Variants in CNTN3 observed in about 807,000 individuals in gnomAD.
CNTN3 encodes contactin-3.
Under a neutral mutation model 119.1 loss-of-function variants are expected in CNTN3, and 60 were observed. That is an observed-to-expected ratio of 0.50 (90% CI 0.41 to 0.62). The LOEUF is 0.62. Ranked by LOEUF, CNTN3 falls within the 20% of genes least tolerant of loss-of-function variation. The pLI, the probability that CNTN3 is intolerant of heterozygous loss-of-function variation, is 0.00. For synonymous variants in CNTN3, 450 were observed against 438.7 expected (o/e 1.03, Z -0.32); for missense variants, 1,101 against 1,242.4 (o/e 0.89, Z 1.71).
At chr3:74,576,427 C>A (rs1238242791) in intron 1 of CNTN3, among the ~76,000 whole-genome samples, 1 of 151,666 alleles carries the variant, frequency 6.6e-6, no homozygotes, top group Non-Finnish European at 1.5e-5. Flanking sequence ...AATTCATTCC[C>A]AAAACTAGAC....
chr3:74,318,903 G>A (rs1012040850), intron 13 of CNTN3, among the ~76,000 whole-genome samples: 1 of 152,166 alleles, frequency 6.6e-6, no homozygotes, highest in Non-Finnish European at 1.5e-5. Context: ...GGAAATTTAA[G>A]TCTTCAGAGG....
chr3:74,369,563 A>G (rs1472851986), intron 7 of CNTN3, among the ~76,000 whole-genome samples, 190 bp from the exon 8 acceptor site: 1 of 151,964 alleles, frequency 6.6e-6, no homozygotes, highest in Non-Finnish European at 1.5e-5. Flanking sequence ...AATAAAATAA[A>G]CTGCATTTTT....
intron 1 of CNTN3, among the ~76,000 whole-genome samples, chr3:74,603,429 T>C (rs993488885): frequency 2.0e-5 from 3 of 152,240 alleles, no homozygotes; most frequent in Admixed American, 1.3e-4. Flanking sequence ...ATAAGCCACA[T>C]AGAGCAGGCA....
chr3:74,496,440 G>A (rs1471026493), intron 3 of CNTN3, among the ~76,000 whole-genome samples: 1 of 152,042 alleles, frequency 6.6e-6, no homozygotes, highest in Non-Finnish European at 1.5e-5. Context: ...ACAGTTTCCA[G>A]TCATTATTCA....
intron 2 of CNTN3, among the ~76,000 whole-genome samples, chr3:74,506,404 T>C (rs1484386141): frequency 1.3e-5 from 2 of 152,170 alleles, no homozygotes; most frequent in Non-Finnish European, 2.9e-5. Context: ...AAAGGGTTAA[T>C]TTATAGTTAT....
intron 13 of CNTN3, among the ~76,000 whole-genome samples, chr3:74,314,409 C>T (rs1208014748): frequency 6.6e-6 from 1 of 152,048 alleles, no homozygotes; most frequent in Non-Finnish European, 1.5e-5. Flanking sequence ...ATGTTGTCTA[C>T]AAAAACCTAT....
intron 4 of CNTN3, among the ~76,000 whole-genome samples, chr3:74,457,474 A>G (rs1439070216): frequency 1.3e-5 from 2 of 151,984 alleles, no homozygotes; most frequent in Non-Finnish European, 2.9e-5. Context: ...TTATATAATA[A>G]TATCATTGAC....
chr3:74,341,551 C>A (rs1156573231), intron 11 of CNTN3, among the ~76,000 whole-genome samples: 1 of 151,954 alleles, frequency 6.6e-6, no homozygotes, highest in East Asian at 1.9e-4. Flanking sequence ...TTATTTGTAC[C>A]TTTTTATTGG....
intron 18 of CNTN3, among the ~76,000 whole-genome samples, chr3:74,296,146 A>G (rs1044032156): frequency 6.6e-6 from 1 of 152,190 alleles, no homozygotes; most frequent in African/African-American, 2.4e-5. Flanking sequence ...ACACCCTAGT[A>G]GATTTCACAG....
chr3:74,536,635 T>C (rs945721264), intron 1 of CNTN3, among the ~76,000 whole-genome samples: 3 of 152,102 alleles, frequency 2.0e-5, no homozygotes, highest in Non-Finnish European at 2.9e-5. Context: ...AACTTGGCAA[T>C]TTCTGGTTTG....
intron 13 of CNTN3, among the ~76,000 whole-genome samples, chr3:74,324,477 C>T (rs997141327): frequency 1.3e-5 from 2 of 152,116 alleles, no homozygotes; most frequent in African/African-American, 4.8e-5. Flanking sequence ...CCACCACGCT[C>T]GGCCAAAGGC....
At chr3:74,323,947 A>G (rs1321659282) in intron 13 of CNTN3, among the ~76,000 whole-genome samples, 2 of 152,150 alleles carry the variant, frequency 1.3e-5, no homozygotes, top group Non-Finnish European at 2.9e-5. Context: ...ATTTGGAGGA[A>G]CTGAAGGAAT....
At chr3:74,421,240 C>T (rs1473006190) in intron 5 of CNTN3, among the ~76,000 whole-genome samples, 2 of 151,934 alleles carry the variant, frequency 1.3e-5, no homozygotes, top group African/African-American at 2.4e-5. Context: ...GTATGATCAG[C>T]TCACTGCAAC....
intron 13 of CNTN3, among the ~76,000 whole-genome samples, chr3:74,317,294 T>C (rs1343067789): frequency 6.6e-6 from 1 of 151,072 alleles, no homozygotes; most frequent in Admixed American, 6.6e-5. Flanking sequence ...TTTATCCAAC[T>C]TGCCAGTCTG....
chr3:74,428,493 A>C (rs1011232573), intron 4 of CNTN3, among the ~76,000 whole-genome samples: 4 of 152,192 alleles, frequency 2.6e-5, no homozygotes, highest in South Asian at 2.1e-4. Context: ...AAAAACACTT[A>C]AAAAGAAAAC....
intron 2 of CNTN3, among the ~76,000 whole-genome samples, chr3:74,520,551 T>A (rs1256915936): frequency 6.6e-6 from 1 of 151,260 alleles, no homozygotes; most frequent in Non-Finnish European, 1.5e-5. Flanking sequence ...AAGACGATAA[T>A]TTTTTTTCAT....
At chr3:74,524,802 C>T (rs1202621972) in intron 1 of CNTN3, among the ~76,000 whole-genome samples, 1 of 151,806 alleles carries the variant, frequency 6.6e-6, no homozygotes, top group Admixed American at 6.6e-5. Context: ...TATGCATGCC[C>T]TACTGCTGGT....
intron 8 of CNTN3, among the ~76,000 whole-genome samples, chr3:74,368,560 A>T (rs1000328623): frequency 6.6e-6 from 1 of 152,046 alleles, no homozygotes; most frequent in Non-Finnish European, 1.5e-5. Context: ...AAGAGGTTTG[A>T]AAAAAATTTC....
chr3:74,466,153 T>C (rs1305257693), intron 4 of CNTN3, among the ~76,000 whole-genome samples: 2 of 151,996 alleles, frequency 1.3e-5, no homozygotes, highest in Non-Finnish European at 2.9e-5. Context: ...GAGAGAAACA[T>C]GGAGAAAATA....
Sources: allele counts gnomAD v4.1 joint callset (sites outside exome capture counted in the v4.1 genomes callset), GRCh38; gene constraint gnomAD v4.1.1; transcripts MANE v1.5; gene names NCBI Gene and HGNC (gene_info 2026-07-23, HGNC 2026-07-21).